GULP1: variants seen among roughly 807,000 people sequenced by gnomAD.
GULP1 encodes GULP PTB domain containing engulfment adaptor 1.
GULP1 carries 19 observed loss-of-function variants against 40.9 expected under a neutral mutation model. That is an observed-to-expected ratio of 0.46 (90% CI 0.32 to 0.68). The LOEUF is 0.68. Ranked by LOEUF, GULP1 falls within the 30% of genes least tolerant of loss-of-function variation. GULP1 has a pLI of 0.03. For synonymous variants in GULP1, 119 were observed against 117.6 expected (o/e 1.01, Z -0.08); for missense variants, 312 against 362.2 (o/e 0.86, Z 1.12).
intron 7 of GULP1, among the ~76,000 whole-genome samples, chr2:188,565,146 A>T (rs1349339267): frequency 1.3e-5 from 2 of 151,922 alleles, no homozygotes; most frequent in Non-Finnish European, 2.9e-5. Flanking sequence ...ATGGATAGTG[A>T]TTTCCTGGAA....
intron 4 of GULP1, among the ~76,000 whole-genome samples, chr2:188,514,143 G>A (rs1302619643): frequency 5.3e-5 from 8 of 150,384 alleles, no homozygotes; most frequent in Non-Finnish European, 7.4e-5. Flanking sequence ...CCGAGCTATC[G>A]GGCAAGGCTC....
At chr2:188,318,235 A>G (rs1013779701) in intron 1 of GULP1, among the ~76,000 whole-genome samples, 1 of 152,082 alleles carries the variant, frequency 6.6e-6, no homozygotes, top group Non-Finnish European at 1.5e-5. Context: ...CTATCGCTAT[A>G]TATGTTATTT....
intron 4 of GULP1, among the ~76,000 whole-genome samples, chr2:188,489,419 A>G (rs1559300258): frequency 6.6e-6 from 1 of 152,066 alleles, no homozygotes; most frequent in Non-Finnish European, 1.5e-5. Flanking sequence ...CATTTATCCG[A>G]AAATGAGTCT....
chr2:188,524,754 A>G (rs1250009941), intron 5 of GULP1, among the ~76,000 whole-genome samples: 1 of 151,560 alleles, frequency 6.6e-6, no homozygotes, highest in Admixed American at 6.6e-5. Context: ...GAGAAAAAAG[A>G]ACCTTGCTCT....
At chr2:188,500,938 A>G (rs1209213123) in intron 4 of GULP1, among the ~76,000 whole-genome samples, 2 of 151,930 alleles carry the variant, frequency 1.3e-5, no homozygotes, top group Non-Finnish European at 2.9e-5. Flanking sequence ...AGCAGCAAGT[A>G]CAATCCTGCT....
At chr2:188,489,582 A>G (rs2062170932) in intron 4 of GULP1, among the ~76,000 whole-genome samples, 1 of 151,992 alleles carries the variant, frequency 6.6e-6, no homozygotes, top group Non-Finnish European at 1.5e-5. Context: ...GAGCATATAA[A>G]TTGAAGCTTA....
intron 7 of GULP1, among the ~76,000 whole-genome samples, chr2:188,565,459 C>T (rs537397145): frequency 7.2e-5 from 11 of 152,024 alleles, no homozygotes; most frequent in Non-Finnish European, 1.6e-4. Flanking sequence ...TATTATTCAA[C>T]AGGGAAATAT....
chr2:188,376,241 A>C (rs1256671478), intron 1 of GULP1, among the ~76,000 whole-genome samples: 1 of 152,254 alleles, frequency 6.6e-6, no homozygotes, highest in African/African-American at 2.4e-5. Flanking sequence ...AAAACACACT[A>C]GACAAATACA....
intron 8 of GULP1, 159 bp downstream of exon 8, chr2:188,569,514 C>A: frequency 1.6e-6 from 1 of 627,740 alleles, no homozygotes; most frequent in Non-Finnish European, 2.8e-6. Flanking sequence ...GTTCCTGATC[C>A]CCTGCACAGT....
chr2:188,379,929 T>C (rs1215626018), intron 1 of GULP1, among the ~76,000 whole-genome samples: 1 of 152,194 alleles, frequency 6.6e-6, no homozygotes, highest in Non-Finnish European at 1.5e-5. Context: ...ATGAGTCTTA[T>C]CTCTTTGAGG....
chr2:188,419,605 T>C (rs2055088521), intron 2 of GULP1, among the ~76,000 whole-genome samples: 1 of 152,092 alleles, frequency 6.6e-6, no homozygotes, highest in Non-Finnish European at 1.5e-5. Context: ...ATTTTGGAGA[T>C]TATCCTCATA....
chr2:188,376,421 T>C (rs895116550), intron 1 of GULP1, among the ~76,000 whole-genome samples: 6 of 152,142 alleles, frequency 3.9e-5, no homozygotes, highest in African/African-American at 1.4e-4. Context: ...GAAAATAAAC[T>C]GTAAGGCAAC....
At chr2:188,449,593 T>C (rs535421170) in intron 2 of GULP1, among the ~76,000 whole-genome samples, 4 of 152,338 alleles carry the variant, frequency 2.6e-5, no homozygotes, top group Admixed American at 6.5e-5. Flanking sequence ...CCATGGGTAG[T>C]ATAGAGTATG....
At chr2:188,395,474 C>T (rs927708958) in intron 2 of GULP1, among the ~76,000 whole-genome samples, 2 of 152,178 alleles carry the variant, frequency 1.3e-5, no homozygotes, top group Non-Finnish European at 2.9e-5. Flanking sequence ...AGGGGCAAAA[C>T]AAGTCCTCTT....
chr2:188,415,336 C>T (rs900918351), intron 2 of GULP1, among the ~76,000 whole-genome samples: 1 of 151,904 alleles, frequency 6.6e-6, no homozygotes, highest in Non-Finnish European at 1.5e-5. Context: ...AAATCTATTC[C>T]ATCTCAGAAA....
intron 1 of GULP1, among the ~76,000 whole-genome samples, chr2:188,294,840 A>G (rs2034579410): frequency 6.6e-6 from 1 of 152,206 alleles, no homozygotes; most frequent in African/African-American, 2.4e-5. Flanking sequence ...TAAAGGTCAT[A>G]GGATTTCTGA....
chr2:188,591,002 A>G (rs1032387639), intron 11 of GULP1: 1 of 152,148 alleles, frequency 6.6e-6, no homozygotes, highest in Non-Finnish European at 1.5e-5. Flanking sequence ...TATAAGGAAA[A>G]GAAAAATACG....
chr2:188,462,305 ATTTTT>A (rs976070351), intron 2 of GULP1, among the ~76,000 whole-genome samples: 7 of 151,946 alleles, frequency 4.6e-5, no homozygotes, highest in Admixed American at 4.6e-4. Flanking sequence ...TATTATTTCA[ATTTTT>A]TGAATGTTTT....
At chr2:188,409,596 A>G (rs994304254) in intron 2 of GULP1, among the ~76,000 whole-genome samples, 2 of 152,152 alleles carry the variant, frequency 1.3e-5, no homozygotes, top group African/African-American at 2.4e-5. Flanking sequence ...GAATACTTCC[A>G]AACTCATTTT....
Sources: allele counts gnomAD v4.1 joint callset (sites outside exome capture counted in the v4.1 genomes callset), GRCh38; gene constraint gnomAD v4.1.1; transcripts MANE v1.5; gene names NCBI Gene and HGNC (gene_info 2026-07-23, HGNC 2026-07-21).